Variants in ADD1 observed in about 807,000 individuals in gnomAD.
ADD1 encodes the protein adducin 1, also known as alpha-adducin.
In ADD1, 24 loss-of-function variants were observed where a neutral mutation model predicts 80.5. That is an observed-to-expected ratio of 0.30 (90% CI 0.22 to 0.42). ADD1 has a LOEUF of 0.42. Ranked by LOEUF, ADD1 falls within the 10% of genes least tolerant of loss-of-function variation. The pLI is 1.00. For missense variants in ADD1, 948 were observed against 1,019.0 expected, an observed-to-expected ratio of 0.93 and a Z score of 0.95; for synonymous variants, 373 against 393.8, an observed-to-expected ratio of 0.95 and a Z score of 0.63.
At chr4:2,862,514 G>A (rs1212974148) in intron 1 of ADD1, among the ~76,000 whole-genome samples, 3 of 152,224 alleles carry the variant, frequency 2.0e-5, no homozygotes, top group Admixed American at 1.3e-4. Flanking sequence ...ACAAAAGCCA[G>A]TTCTTACCTG....
chr4:2,847,187 C>T lies in ADD1; in HGVS notation c.-21+3163C>T, dbSNP rs1035800397. Among the ~76,000 whole-genome samples, 5 of 152,186 alleles carry T rather than the reference C, an allele frequency of 3.3e-5. No homozygotes were observed. In the East Asian group the frequency reaches 9.7e-4, roughly 29 times the overall value. ...CTCACAATCCCGGCACTTTGGGAGG[C>T]TGAGGCAGGTGGATCGCCTGAGGTC... On this transcript the variant is annotated intron_variant, in intron 1 of 15. Transcript: ENST00000683351.
rs371885274 is a variant in ADD1 at position 2,914,843 on chromosome 4, G to C, written c.1792-41G>C. 3.7e-5 allele frequency: 58 copies of C among 1,547,304 alleles called. No individual in the cohort carries two copies. In the East Asian group the frequency reaches 5.1e-4, roughly 14 times the overall value. ...CCTGGGAGGAGGGAGAGTCCCCATC[G>C]GGCCGGGCTCCTGCAGACCAGATGT... On this transcript the variant is annotated intron_variant, in intron 13 of 15. Coordinates refer to ENST00000683351, the MANE Select transcript of ADD1 (RefSeq NM_001354761.2).
At chr4:2,848,505 G>T (rs1726593010) in intron 1 of ADD1, among the ~76,000 whole-genome samples, 1 of 151,984 alleles carries the variant, frequency 6.6e-6, no homozygotes, top group Admixed American at 6.6e-5. Flanking sequence ...CTCTTGCTCT[G>T]TCACCTAGGC....
chr4:2,850,158 G>A (rs1726849497), intron 1 of ADD1, among the ~76,000 whole-genome samples: 1 of 152,190 alleles, frequency 6.6e-6, no homozygotes, highest in South Asian at 2.1e-4. Flanking sequence ...CTCATACCTG[G>A]TACAACATGG....
In ADD1 at chr4:2,926,781, A is replaced by T; in HGVS notation, c.2047+669A>T. ...TTTGTTTTCTGTTTATTTAAAATAA[A>T]AACAGAAGCCCCCCTTTTTTGTACC... On this transcript the variant is annotated intron_variant, in intron 15 of 15. Coordinates refer to ENST00000683351, the MANE Select transcript of ADD1 (RefSeq NM_001354761.2). The surrounding 1 kb of genome is among the most constrained non-coding windows in gnomAD (Gnocchi z 5.0). 1 of 1,313,030 alleles carries T rather than the reference A, an allele frequency of 7.6e-7. No homozygotes were observed. The highest frequency in any genetic ancestry group is 1.5e-5 in the African/African-American group (1 of 67,376). The allele number at this position is 1,313,030 out of a possible 1,614,324, so 81.3% of individuals were successfully genotyped here.
intron 9 of ADD1, among the ~76,000 whole-genome samples, chr4:2,903,192 T>C (rs922614385): frequency 1.3e-5 from 2 of 152,162 alleles, no homozygotes; most frequent in Non-Finnish European, 2.9e-5. Context: ...CTGAAGTGTC[T>C]TGTATGTCTG....
intron 4 of ADD1, among the ~76,000 whole-genome samples, chr4:2,885,817 A>G (rs186623528): frequency 6.0e-4 from 91 of 151,560 alleles, no homozygotes; most frequent in African/African-American, 1.2e-3. Flanking sequence ...TCACCGTGTT[A>G]GCCAGGATGG....
At chr4:2,867,669 A>C (rs1296353918) in intron 1 of ADD1, among the ~76,000 whole-genome samples, 1 of 152,230 alleles carries the variant, frequency 6.6e-6, no homozygotes, top group Admixed American at 6.5e-5. Context: ...GAAGCCGTTA[A>C]CTAACCATTC....
intron 10 of ADD1, chr4:2,907,056 TA>T (rs1282344598): frequency 1.3e-5 from 2 of 152,228 alleles, no homozygotes; most frequent in Non-Finnish European, 2.9e-5. Flanking sequence ...GCACTGATAC[TA>T]AAACAGCCTT....
intron 13 of ADD1, among the ~76,000 whole-genome samples, chr4:2,911,909 C>T (rs61791186): frequency 0.025 from 3,747 of 152,348 alleles, 73 homozygotes; most frequent in South Asian, 0.046. Flanking sequence ...TGTTCTCCAA[C>T]ACCCTTCATG....
intron 9 of ADD1, among the ~76,000 whole-genome samples, chr4:2,904,244 A>G (rs1736665013): frequency 6.6e-6 from 1 of 152,170 alleles, no homozygotes; most frequent in South Asian, 2.1e-4. Flanking sequence ...AATAAGAGCA[A>G]CGGTAGCAGC....
chr4:2,926,597 TTC>T lies in ADD1; in HGVS notation c.2047+490_2047+491del, dbSNP rs1457736195. 1 of 1,609,566 alleles carries T rather than the reference TTC, an allele frequency of 6.2e-7. No homozygotes were observed. The highest frequency in any genetic ancestry group is 2.2e-5 in the East Asian group (1 of 44,792). ...TGATGGCTGTGACTGAATGCATAGA[TTC>T]TCTCCTTGTGCTTTTTTCTCCCTGT... On this transcript the variant is annotated intron_variant, in intron 15 of 15. Coordinates refer to ENST00000683351, the MANE Select transcript of ADD1 (RefSeq NM_001354761.2). This position sits in a 1 kb window ranked among gnomAD's most constrained non-coding sequence, Gnocchi z 5.0.
chr4:2,928,465 A>G lies in ADD1; in HGVS notation c.2342A>G (p.Lys781Arg), dbSNP rs1170950190. ...CCAGGCAAGTCCCCGTCCAAAAAGA[A>G]GAAGAAGTTCCGTACCCCGTCCTTT... Reference protein sequence around the residue: ...GSPGKSPSKKKKKFRTPSFLK... With the variant: ...GSPGKSPSKKRKKFRTPSFLK... The change falls in exon 16 of 16, where the codon AAG (lysine) becomes AGG (arginine). Residue 781 changes from lysine (K) to arginine (R), a missense_variant. Lys to Arg is a conservative substitution (Grantham distance 26, BLOSUM62 2). Coordinates refer to ENST00000683351, the MANE Select transcript of ADD1 (RefSeq NM_001354761.2). 6.2e-7 allele frequency: 1 copy of G among 1,613,698 alleles called. No individual in the cohort carries two copies. The highest frequency in any genetic ancestry group is 8.5e-7 in the Non-Finnish European group (1 of 1,180,024).
rs115673266 is a variant in ADD1 at position 2,889,038 on chromosome 4, C to T, written c.510+4372C>T. On this transcript the variant is annotated intron_variant, in intron 4 of 15. Transcript: ENST00000683351. ...TGCTTCTAAAATTTAGATGGAAGAG[C>T]GGAAGGCCAAGAATAGCTAAGACAC... 6.5e-3 allele frequency among the ~76,000 whole-genome samples: 985 copies of T among 152,126 alleles called. 12 individuals carry two copies. Among genetic ancestry groups the T allele is most frequent in the African/African-American group, 0.022 (921 of 41,506 alleles).
At chr4:2,891,610 C>T (rs993581301) in intron 4 of ADD1, among the ~76,000 whole-genome samples, 1 of 152,204 alleles carries the variant, frequency 6.6e-6, no homozygotes, top group South Asian at 2.1e-4. Context: ...GCTGCTCCCA[C>T]TACCACTAAT....
In ADD1 at chr4:2,909,018, G is replaced by T. The variant is rs888425240; in HGVS notation, c.1699-321G>T. The T allele has an allele frequency of 1.1e-5, 5 of 460,244 alleles. No homozygotes were observed. In the Admixed American group the frequency reaches 1.5e-4, roughly 14 times the overall value. The allele number at this position is 460,244 out of a possible 1,614,324, so 28.5% of individuals were successfully genotyped here. A position where few individuals can be genotyped will look rare whatever the true frequency, so the allele number is the denominator to read the frequency against. The stretch of plus-strand genomic sequence containing the variant: ...AGAGGGGTGGGTGCCTGTAAGTGTG[G>T]TGCACATTTACACACATTTCTACAA... On this transcript the variant is annotated intron_variant, in intron 12 of 15. Transcript: ENST00000683351.
At chr4:2,851,296 A>C (rs1355103520) in intron 1 of ADD1, among the ~76,000 whole-genome samples, 1 of 152,240 alleles carries the variant, frequency 6.6e-6, no homozygotes, top group Non-Finnish European at 1.5e-5. Context: ...TCTCATCTGC[A>C]GAAATAGGAG....
intron 3 of ADD1, 42 bp from the exon 4 acceptor site, chr4:2,884,473 A>G (rs1732914709): frequency 6.5e-6 from 10 of 1,539,586 alleles, no homozygotes; most frequent in Non-Finnish European, 8.8e-6. Flanking sequence ...CTACAGGCGT[A>G]TACCACTGCA....
chr4:2,926,350 C>T lies in ADD1; in HGVS notation c.2047+238C>T, dbSNP rs1711616846. 2.8e-6 allele frequency: 2 copies of T among 702,240 alleles called. No individual in the cohort carries two copies. Among genetic ancestry groups the T allele is most frequent in the Non-Finnish European group, 5.2e-6 (2 of 386,470 alleles). 43.5% of individuals were successfully genotyped at this position (702,240 alleles called of 1,614,324 possible). ...GCCGGCCTCGGGGGTCGGAACCCAC[C>T]ATGGTTGCTGGTGTCCACGTTGCCC... On this transcript the variant is annotated intron_variant, in intron 15 of 15. Coordinates refer to ENST00000683351, the MANE Select transcript of ADD1 (RefSeq NM_001354761.2). The surrounding 1 kb of genome is among the most constrained non-coding windows in gnomAD (Gnocchi z 5.0).
Sources: gnomAD v4.1 joint callset for allele counts (sites outside exome capture counted in the v4.1 genomes callset) on GRCh38, gnomAD v4.1.1 for gene constraint, Gnocchi (gnomAD v3.1) non-coding constraint, MANE v1.5 for transcripts, NCBI Gene and HGNC (gene_info 2026-07-23, HGNC 2026-07-21) for gene names.